Variants in CCDC134 observed in about 807,000 individuals in gnomAD.
The protein encoded by CCDC134 is coiled-coil domain containing 134.
CCDC134 carries 27 observed loss-of-function variants against 25.6 expected under a neutral mutation model. The observed-to-expected ratio is 1.05, with a 90% confidence interval of 0.78 to 1.45. The LOEUF is 1.45. CCDC134 is among the 40% of genes most tolerant of loss of function. The probability of loss-of-function intolerance (pLI) is 0.00; values close to 1 mark genes in which losing one functional copy is unlikely to be tolerated. For missense variants in CCDC134, 261 were observed against 286.7 expected (o/e 0.91, Z 0.65); for synonymous variants, 110 against 115.0 (o/e 0.96, Z 0.28).
At chr22:41,809,145 T>C in intron 2 of CCDC134, 152 bp downstream of exon 2, 1 of 630,896 alleles carries the variant, frequency 1.6e-6, no homozygotes, top group Non-Finnish European at 2.8e-6. Context: ...AAGTCAGGTC[T>C]CTCCGGAGCT....
At chr22:41,820,652 G>A (rs1360865373) in intron 6 of CCDC134, among the ~76,000 whole-genome samples, 2 of 152,200 alleles carry the variant, frequency 1.3e-5, no homozygotes, top group African/African-American at 4.8e-5. Flanking sequence ...TGCTGAGGAA[G>A]CATATGTGGT....
At chr22:41,814,578 A>G (rs1437618526) in intron 6 of CCDC134, among the ~76,000 whole-genome samples, 4 of 151,594 alleles carry the variant, frequency 2.6e-5, no homozygotes, top group Non-Finnish European at 5.9e-5. Context: ...AAAAAAAAAA[A>G]AGGGGGGACA....
Position 41,826,177 on chromosome 22 carries a change from G to A in CCDC134, c.*354G>A, listed in dbSNP as rs528980997. ...CTTGGTGGGGAAGCAGCAGAACTAG[G>A]TTCTGAGCCACGGGTCAGGGTGCCA... On this transcript the variant is annotated 3_prime_UTR_variant, in exon 7 of 7. Transcript: ENST00000255784. The A allele has an allele frequency of 2.2e-4, 48 of 213,628 alleles. No homozygotes were observed. The Admixed American group carries it at 2.4e-3, about 11-fold the overall frequency. 13.2% of individuals were successfully genotyped at this position (213,628 alleles called of 1,614,324 possible).
Position 41,831,417 on chromosome 22 carries a change from C to T in CCDC134, c.*5594C>T, listed in dbSNP as rs1258758071. On this transcript the variant is annotated 3_prime_UTR_variant, in exon 7 of 7. Transcript: ENST00000255784. Reference sequence around the variant, plus strand: ...GGTCAGGCTGGTCTCCAACTCCTGACCTCAAATGATCTGCACACCTCGGCC... The same window carrying T: ...GGTCAGGCTGGTCTCCAACTCCTGATCTCAAATGATCTGCACACCTCGGCC... 1 of 152,272 alleles carries T rather than the reference C, an allele frequency of 6.6e-6. No homozygotes were observed. The highest frequency in any genetic ancestry group is 1.5e-5 in the Non-Finnish European group (1 of 68,104). 9.4% of individuals were successfully genotyped at this position (152,272 alleles called of 1,614,324 possible). A position where few individuals can be genotyped will look rare whatever the true frequency, so the allele number is the denominator to read the frequency against.
chr22:41,800,950 C>A (rs1338588653), intron 1 of CCDC134, among the ~76,000 whole-genome samples, 184 bp downstream of exon 1: 2 of 152,190 alleles, frequency 1.3e-5, no homozygotes, highest in Non-Finnish European at 2.9e-5. Flanking sequence ...CCTGGGCCCC[C>A]GACCCCGGTA....
intron 1 of CCDC134, among the ~76,000 whole-genome samples, chr22:41,803,363 A>G (rs1261922862): frequency 6.6e-6 from 1 of 152,180 alleles, no homozygotes; most frequent in East Asian, 1.9e-4. Flanking sequence ...GTTAAGTTCA[A>G]TTTTGGCTGT....
At chr22:41,820,755 G>C (rs1047987272) in intron 6 of CCDC134, among the ~76,000 whole-genome samples, 4 of 152,170 alleles carry the variant, frequency 2.6e-5, no homozygotes, top group Non-Finnish European at 5.9e-5. Flanking sequence ...TGGAGAGGGA[G>C]GGTAGTAAGA....
intron 4 of CCDC134, among the ~76,000 whole-genome samples, chr22:41,810,719 C>G (rs1399002397): frequency 2.0e-5 from 3 of 152,058 alleles, no homozygotes; most frequent in African/African-American, 4.8e-5. Context: ...TGGTCTCGAT[C>G]TCTTGACCTC....
intron 3 of CCDC134, 103 bp from the exon 4 acceptor site, chr22:41,810,104 A>T (rs1322408193): frequency 3.8e-6 from 6 of 1,591,244 alleles, no homozygotes; most frequent in African/African-American, 2.7e-5. Context: ...GGACAGGGGA[A>T]CTGCGCACAC....
chr22:41,827,829 T>C lies in CCDC134; in HGVS notation c.*2006T>C, dbSNP rs2076686807. Among the ~76,000 whole-genome samples, 1 of 152,170 alleles carries C rather than the reference T, an allele frequency of 6.6e-6. No homozygotes were observed. Among genetic ancestry groups the C allele is most frequent in the African/African-American group, 2.4e-5 (1 of 41,440 alleles). On this transcript the variant is annotated 3_prime_UTR_variant, in exon 7 of 7. Transcript: ENST00000255784. Reference sequence around the variant, plus strand: ...CCTGGTGCCAGCAGCTGGAGCTGGGTGTCAGGACCAGCCCGCAAGCTCTTC... The same window carrying C: ...CCTGGTGCCAGCAGCTGGAGCTGGGCGTCAGGACCAGCCCGCAAGCTCTTC...
chr22:41,803,858 G>A (rs1345979993), intron 1 of CCDC134, among the ~76,000 whole-genome samples: 2 of 152,056 alleles, frequency 1.3e-5, no homozygotes, highest in South Asian at 2.1e-4. Context: ...GAGGCCCACC[G>A]TGGTGGCTCA....
At chr22:41,824,167 C>T (rs1037804717) in intron 6 of CCDC134, among the ~76,000 whole-genome samples, 1 of 152,266 alleles carries the variant, frequency 6.6e-6, no homozygotes, top group East Asian at 1.9e-4. Flanking sequence ...GAAGGGAGCA[C>T]ACCACCAGGA....
rs112181779 is a variant in CCDC134, at chr22:41,830,962, C to T, written c.*5139C>T. On this transcript the variant is annotated 3_prime_UTR_variant, in exon 7 of 7. Transcript: ENST00000255784. ...GTGCAATGGCGCGATCTCTGCTCACCGTAACTTCTGCCTCCCGGGTTCAAG... is the reference window on the plus strand; with the variant it reads ...GTGCAATGGCGCGATCTCTGCTCACTGTAACTTCTGCCTCCCGGGTTCAAG... 0.06 allele frequency among the ~76,000 whole-genome samples: 8,940 copies of T among 148,692 alleles called. 893 individuals are homozygous for T. Among genetic ancestry groups the T allele is most frequent in the African/African-American group, 0.21 (8,427 of 39,978 alleles).
chr22:41,805,291 G>T (rs1021250058), intron 1 of CCDC134, among the ~76,000 whole-genome samples: 5 of 152,118 alleles, frequency 3.3e-5, no homozygotes, highest in African/African-American at 4.8e-5. Flanking sequence ...AATTAGCTGG[G>T]TGTGGTGGTG....
intron 1 of CCDC134, among the ~76,000 whole-genome samples, chr22:41,808,368 A>G (rs2076578485): frequency 6.6e-6 from 1 of 151,916 alleles, no homozygotes; most frequent in African/African-American, 2.4e-5. Context: ...CAGAAGTTTC[A>G]TATCTTCTCT....
In CCDC134 at chr22:41,809,925, G is replaced by A. The variant is rs1458975877; in HGVS notation, c.150G>A (p.Leu50=). 4 of 1,614,160 alleles carry A rather than the reference G, an allele frequency of 2.5e-6. No individual in the cohort carries two copies. Among genetic ancestry groups the A allele is most frequent in the Non-Finnish European group, 1.7e-6 (2 of 1,180,018 alleles). Residue 50 remains leucine (L), a synonymous_variant, in exon 3 of 7, where the codon CTG becomes CTA. Transcript: ENST00000255784. ...EVKRREQLLA[L]KNLAQLNDIH... ...AGCGGCGGGAGCAGCTGTTGGCACT[G>A]AAGAACCTGGCACAGCTGAACGACA...
At chr22:41,812,842 G>C (rs532918352) in intron 4 of CCDC134, among the ~76,000 whole-genome samples, 15 of 152,272 alleles carry the variant, frequency 9.9e-5, no homozygotes, top group Non-Finnish European at 1.8e-4. Flanking sequence ...TGTCGGTGGG[G>C]GGGTCAAGCC....
At position 41,809,966 on chromosome 22, in the gene CCDC134, A is replaced by G. The variant is rs143142791; in HGVS notation, c.191A>G (p.Lys64Arg). Residue 64 changes from lysine to arginine, a missense_variant, in exon 3 of 7, where the codon AAG (lysine) becomes AGG (arginine). Transcript: ENST00000255784. ...AQLNDIHQQY[K>R]ILDVMLKGLF... Reference sequence around the variant, plus strand: ...CTGAACGACATCCACCAGCAGTACAAGATCCTTGATGTCATGCTCAAGGGG... The same window carrying G: ...CTGAACGACATCCACCAGCAGTACAGGATCCTTGATGTCATGCTCAAGGGG... 5 of 1,614,078 alleles carry G rather than the reference A, an allele frequency of 3.1e-6. No individual in the cohort carries two copies. In the African/African-American group the frequency reaches 6.7e-5, roughly 22 times the overall value.
intron 6 of CCDC134, among the ~76,000 whole-genome samples, chr22:41,814,492 G>A (rs761550203): frequency 1.3e-5 from 2 of 152,010 alleles, no homozygotes; most frequent in Non-Finnish European, 2.9e-5. Flanking sequence ...GCTTGAACCC[G>A]GAAAGTGGAG....
Sources: allele counts gnomAD v4.1 joint callset (sites outside exome capture counted in the v4.1 genomes callset), GRCh38; gene constraint gnomAD v4.1.1; transcripts MANE v1.5; gene names NCBI Gene and HGNC (gene_info 2026-07-23, HGNC 2026-07-21).